PPFIA2: variants seen among roughly 807,000 people sequenced by gnomAD.
The protein encoded by PPFIA2 is PPFI scaffold protein A2.
PPFIA2 carries 46 observed loss-of-function variants against 175.5 expected under a neutral mutation model. That is an observed-to-expected ratio of 0.26 (90% confidence interval 0.21 to 0.34). The LOEUF is 0.34. Ranked by LOEUF, PPFIA2 falls within the 10% of genes least tolerant of loss-of-function variation. PPFIA2 has a pLI of 1.00. For synonymous variants in PPFIA2, 568 were observed against 511.4 expected (o/e 1.11, Z -1.49); for missense variants, 1,179 against 1,506.1 (o/e 0.78, Z 3.60).
intron 28 of PPFIA2, among the ~76,000 whole-genome samples, chr12:81,269,177 T>C (rs1047928786): frequency 2.6e-5 from 4 of 152,272 alleles, no homozygotes; most frequent in Middle Eastern, 3.4e-3. Flanking sequence ...CATTAAAAGT[T>C]GACAGAATGC....
intron 3 of PPFIA2, among the ~76,000 whole-genome samples, chr12:81,710,073 TTTTTTGTTGA>T (rs2077694969): frequency 6.6e-6 from 1 of 152,054 alleles, no homozygotes. Flanking sequence ...GGAAAGTTTA[TTTTTTGTTGA>T]TTTCTAAGAT....
chr12:81,710,656 A>G (rs532852236), intron 3 of PPFIA2, among the ~76,000 whole-genome samples: 120 of 151,686 alleles, frequency 7.9e-4, no homozygotes, highest in African/African-American at 2.8e-3. Context: ...TAAACACAAA[A>G]TTCATTTATG....
At chr12:81,303,402 C>A (rs2048348370) in intron 22 of PPFIA2, among the ~76,000 whole-genome samples, 1 of 152,184 alleles carries the variant, frequency 6.6e-6, no homozygotes, top group South Asian at 2.1e-4. Context: ...AGGGCATCAG[C>A]TGTACTTCCT....
intron 4 of PPFIA2, among the ~76,000 whole-genome samples, chr12:81,658,354 A>AT (rs1273561569): frequency 6.6e-6 from 1 of 151,888 alleles, no homozygotes; most frequent in Admixed American, 6.6e-5. Context: ...AAGGGTCAAT[A>AT]TTTTTTATTT....
intron 4 of PPFIA2, among the ~76,000 whole-genome samples, chr12:81,587,787 T>C (rs2075502294): frequency 6.6e-6 from 1 of 152,054 alleles, no homozygotes; most frequent in South Asian, 2.1e-4. Flanking sequence ...TTGATAGTTT[T>C]CCTTGGGGTA....
chr12:81,616,989 A>G (rs1395250133), intron 4 of PPFIA2, among the ~76,000 whole-genome samples: 1 of 152,208 alleles, frequency 6.6e-6, no homozygotes, highest in Admixed American at 6.5e-5. Flanking sequence ...CTAGTGTCAA[A>G]GAGATTCAAA....
In PPFIA2 at chr12:81,347,581, G is replaced by C. The variant is rs1189118026; in HGVS notation, c.2184C>G (p.Thr728=). Residue 728 remains threonine, a synonymous_variant, in exon 18 of 33, where the codon ACC becomes ACG. Transcript: ENST00000549396. ...PPSGHSTPKL[T]PRSPAREMDR... ...CCATTTCCCTGGCAGGGCTTCGAGG[G>C]GTGAGCTTTGGAGTTGAGTGTCCAC... is the stretch of plus-strand genomic sequence containing the variant. 6.2e-7 allele frequency: 1 copy of C among 1,613,608 alleles called. No individual in the cohort carries two copies. The highest frequency in any genetic ancestry group is 1.3e-5 in the African/African-American group (1 of 74,992).
chr12:81,687,252 T>C (rs1410567349), intron 3 of PPFIA2, among the ~76,000 whole-genome samples: 3 of 152,078 alleles, frequency 2.0e-5, no homozygotes, highest in Non-Finnish European at 2.9e-5. Flanking sequence ...ATTGTCATCA[T>C]ACATTTCTGA....
rs537601381 is a variant in PPFIA2 at position 81,524,089 on chromosome 12, T to C, written c.304-66223A>G. On this transcript the variant is annotated intron_variant, in intron 4 of 32. Transcript: ENST00000549396. Reference sequence around the variant, plus strand: ...GCTGTGGGAGTGACTACCTCCATCTTGTTTTCAAAGGAAGTCATGAAGAAC... The same window carrying C: ...GCTGTGGGAGTGACTACCTCCATCTCGTTTTCAAAGGAAGTCATGAAGAAC... Among the ~76,000 whole-genome samples the C allele has an allele frequency of 1.4e-4, 22 of 152,318 alleles. No homozygotes were observed. The East Asian group carries it at 4.1e-3, about 28-fold the overall frequency.
intron 6 of PPFIA2, among the ~76,000 whole-genome samples, chr12:81,444,826 A>C (rs1474056432): frequency 6.6e-6 from 1 of 152,182 alleles, no homozygotes; most frequent in Non-Finnish European, 1.5e-5. Flanking sequence ...TCTAACTCCT[A>C]AAGATTTACT....
intron 4 of PPFIA2, among the ~76,000 whole-genome samples, chr12:81,633,426 T>G (rs2063620384): frequency 1.3e-5 from 2 of 152,012 alleles, no homozygotes; most frequent in African/African-American, 2.4e-5. Flanking sequence ...ATTTAGTTGC[T>G]GGCAATGTTC....
intron 4 of PPFIA2, among the ~76,000 whole-genome samples, chr12:81,537,063 G>C (rs1337105999): frequency 6.6e-6 from 1 of 151,470 alleles, no homozygotes; most frequent in Non-Finnish European, 1.5e-5. Flanking sequence ...TGAGTGGAAA[G>C]CAGAAGGAGA....
chr12:81,633,557 C>T (rs1243098259), intron 4 of PPFIA2, among the ~76,000 whole-genome samples: 1 of 151,734 alleles, frequency 6.6e-6, no homozygotes, highest in African/African-American at 2.4e-5. Flanking sequence ...AAAAAAATAC[C>T]CAAAGAGGCA....
intron 29 of PPFIA2, among the ~76,000 whole-genome samples, 174 bp downstream of exon 29, chr12:81,267,738 T>C (rs924156599): frequency 6.6e-6 from 1 of 151,624 alleles, no homozygotes; most frequent in African/African-American, 2.4e-5. Context: ...ATTTTTTTTT[T>C]TTTTTTTTTG....
chr12:81,513,527 T>G (rs2147861548), intron 4 of PPFIA2, among the ~76,000 whole-genome samples: 1 of 152,032 alleles, frequency 6.6e-6, no homozygotes, highest in Admixed American at 6.6e-5. Flanking sequence ...AGTGGTTAAC[T>G]TTTTATTTTG....
At chr12:81,318,950 T>A (rs1320820909) in intron 22 of PPFIA2, among the ~76,000 whole-genome samples, 1 of 151,740 alleles carries the variant, frequency 6.6e-6, no homozygotes, top group African/African-American at 2.4e-5. Flanking sequence ...AAAATTATCA[T>A]TTTCATGTTC....
rs142044130 is a variant in PPFIA2 at position 81,499,759 on chromosome 12, T to TA, written c.304-41894dup. 7.2e-3 allele frequency among the ~76,000 whole-genome samples: 1,091 copies of TA among 152,166 alleles called. 65 individuals carry two copies. In the East Asian group the frequency reaches 0.17, roughly 23 times the overall value. On this transcript the variant is annotated intron_variant, in intron 4 of 32. Coordinates refer to ENST00000549396, the MANE Select transcript of PPFIA2 (RefSeq NM_003625.5). ...TTTCTCTCTCCCTCACCTGGAAGAA[T>TA]AAATCATTCATACCACCTCAGTATG...
At chr12:81,266,657 A>T (rs181581883) in intron 30 of PPFIA2, among the ~76,000 whole-genome samples, 1 of 152,282 alleles carries the variant, frequency 6.6e-6, no homozygotes, top group African/African-American at 2.4e-5. Context: ...ACTTTTTTCT[A>T]ATTTTTTAAA....
chr12:81,633,105 G>A (rs2063582843), intron 4 of PPFIA2, among the ~76,000 whole-genome samples: 1 of 152,120 alleles, frequency 6.6e-6, no homozygotes, highest in South Asian at 2.1e-4. Flanking sequence ...TCTAGTAAAT[G>A]ATGAATGTGG....
Sources: allele counts gnomAD v4.1 joint callset (sites outside exome capture counted in the v4.1 genomes callset), GRCh38; gene constraint gnomAD v4.1.1; transcripts MANE v1.5; gene names NCBI Gene and HGNC (gene_info 2026-07-23, HGNC 2026-07-21).